Variants in NDST3 observed in about 807,000 individuals in gnomAD.
The protein encoded by NDST3 is N-deacetylase and N-sulfotransferase 3.
A neutral mutation model predicts 96.1 loss-of-function variants in NDST3; 58 were observed. The ratio of observed to expected loss-of-function variants is 0.60; its 90% CI spans 0.49 to 0.75. The LOEUF is 0.75. Among genes scored for constraint, NDST3 ranks in the 30% least tolerant of loss-of-function variants. NDST3 has a pLI of 0.00. For synonymous variants in NDST3, 333 were observed against 359.7 expected, an observed-to-expected ratio of 0.93 and a Z score of 0.84; for missense variants, 788 against 1,034.2, an observed-to-expected ratio of 0.76 and a Z score of 3.27.
chr4:118,070,803 C>G (rs1578578439), intron 2 of NDST3, among the ~76,000 whole-genome samples: 1 of 152,158 alleles, frequency 6.6e-6, no homozygotes, highest in Middle Eastern at 3.4e-3. Context: ...CCCACTCCCC[C>G]CACCTCATGA....
chr4:118,087,641 T>G, intron 2 of NDST3, among the ~76,000 whole-genome samples: 1 of 152,098 alleles, frequency 6.6e-6, no homozygotes, highest in East Asian at 1.9e-4. Flanking sequence ...TGTCCATACT[T>G]GACATGTATG....
intron 6 of NDST3, among the ~76,000 whole-genome samples, chr4:118,171,729 C>T (rs1051375440): frequency 6.6e-6 from 1 of 152,150 alleles, no homozygotes; most frequent in Admixed American, 6.5e-5. Flanking sequence ...CATACAATAC[C>T]GCTTTCCAGG....
chr4:118,104,043 G>A (rs995255763), intron 2 of NDST3, among the ~76,000 whole-genome samples: 4 of 152,148 alleles, frequency 2.6e-5, no homozygotes, highest in Non-Finnish European at 4.4e-5. Flanking sequence ...CCATAAACAT[G>A]ATGAGGCAGA....
chr4:118,189,565 G>A (rs1258617723), intron 6 of NDST3, among the ~76,000 whole-genome samples: 3 of 152,026 alleles, frequency 2.0e-5, no homozygotes, highest in Admixed American at 6.6e-5. Flanking sequence ...ACACAAATAT[G>A]ATTATAAGTA....
intron 4 of NDST3, among the ~76,000 whole-genome samples, chr4:118,115,653 T>C (rs1731024540): frequency 6.6e-6 from 1 of 152,150 alleles, no homozygotes; most frequent in African/African-American, 2.4e-5. Context: ...AAATTTATAG[T>C]AAAAGTTTAA....
chr4:118,138,078 G>T lies in NDST3; in HGVS notation c.1249G>T (p.Gly417Cys). 1.9e-6 allele frequency: 3 copies of T among 1,612,408 alleles called. No homozygotes were observed. Among genetic ancestry groups the T allele is most frequent in the Non-Finnish European group, 2.5e-6 (3 of 1,179,216 alleles). ...ALEHGIPTDM[G>C]YAVAPHHSGV... ...GGAGCACGGCATTCCAACGGACATG[G>T]GCTACGCTGTGGCCCCTCACCATTC... is the stretch of plus-strand genomic sequence containing the variant. The change falls in exon 5 of 14, where the codon GGC (glycine) becomes TGC (cysteine). Residue 417 changes from glycine (G) to cysteine (C), a missense_variant. By Grantham distance (159) the Gly-to-Cys change is radical. This residue lies in a region of NDST3 where 490 missense variants were observed against 708.8 expected (regional missense o/e 0.69). Coordinates refer to ENST00000296499, the MANE Select transcript of NDST3 (RefSeq NM_004784.3).
chr4:118,094,816 G>C (rs1041851854), intron 2 of NDST3, among the ~76,000 whole-genome samples: 2 of 151,722 alleles, frequency 1.3e-5, no homozygotes, highest in African/African-American at 4.8e-5. Context: ...GAGCTAAATA[G>C]ATGGCTATAA....
intron 6 of NDST3, among the ~76,000 whole-genome samples, chr4:118,181,988 CTGCAGAGGTGCAAAAA>C (rs1467697994): frequency 6.6e-6 from 1 of 152,194 alleles, no homozygotes; most frequent in Non-Finnish European, 1.5e-5. Flanking sequence ...CAAGTCATCT[CTGCAGAGGTGCAAAAA>C]TGCAGCCCTC....
chr4:118,051,773 A>C lies in NDST3; in HGVS notation c.-155-1983A>C, dbSNP rs1578537823. On this transcript the variant is annotated intron_variant, in intron 1 of 13. Coordinates refer to ENST00000296499, the MANE Select transcript of NDST3 (RefSeq NM_004784.3). Reference sequence around the variant, plus strand: ...AAAGAAGACATACAAGTAGCCAACAAACATGAAAAAATGTTCATCATCACT... The same window carrying C: ...AAAGAAGACATACAAGTAGCCAACACACATGAAAAAATGTTCATCATCACT... Among the ~76,000 whole-genome samples the C allele has an allele frequency of 2.6e-5, 4 of 152,232 alleles. No homozygotes were observed. The East Asian group carries it at 7.7e-4, about 29-fold the overall frequency.
chr4:118,145,342 A>T (rs987927430), intron 6 of NDST3, among the ~76,000 whole-genome samples: 7 of 152,332 alleles, frequency 4.6e-5, no homozygotes, highest in Admixed American at 4.6e-4. Flanking sequence ...TTTCACATTT[A>T]CTTTCATCAT....
chr4:118,243,879 G>C (rs1741149986), intron 12 of NDST3, among the ~76,000 whole-genome samples: 1 of 152,188 alleles, frequency 6.6e-6, no homozygotes, highest in African/African-American at 2.4e-5. Context: ...AAAAGGCAGT[G>C]TAAACTTAAG....
At chr4:118,223,443 A>G (rs10024837) in intron 6 of NDST3, among the ~76,000 whole-genome samples, 25,789 of 152,038 alleles carry the variant, frequency 0.17, 2,344 homozygotes, top group South Asian at 0.23. Context: ...AAAATAATTT[A>G]TTTGTAAAAG....
chr4:118,220,679 C>T (rs759176613), intron 6 of NDST3, among the ~76,000 whole-genome samples: 3 of 151,848 alleles, frequency 2.0e-5, no homozygotes, highest in Non-Finnish European at 4.4e-5. Flanking sequence ...CTGTATGAAC[C>T]AGTTCTCTTT....
At chr4:118,050,540 A>G (rs1331899092) in intron 1 of NDST3, among the ~76,000 whole-genome samples, 1 of 152,170 alleles carries the variant, frequency 6.6e-6, no homozygotes, top group Non-Finnish European at 1.5e-5. Context: ...TACAAAATCA[A>G]TATACAAAAA....
intron 6 of NDST3, chr4:118,193,759 G>C (rs1400923021): frequency 6.8e-7 from 1 of 1,478,810 alleles, no homozygotes; most frequent in Admixed American, 1.8e-5. Context: ...CCTTGTTACA[G>C]CTTTCAGTGG....
At chr4:118,252,354 T>C (rs996515712) in intron 12 of NDST3, among the ~76,000 whole-genome samples, 1 of 152,186 alleles carries the variant, frequency 6.6e-6, no homozygotes, top group African/African-American at 2.4e-5. Flanking sequence ...AAGTGTATAG[T>C]ACAAGGTAAA....
chr4:118,067,476 T>G (rs1486663221), intron 2 of NDST3, among the ~76,000 whole-genome samples: 1 of 152,140 alleles, frequency 6.6e-6, no homozygotes, highest in East Asian at 1.9e-4. Context: ...GACACATTTT[T>G]CCTTCTTGCT....
intron 3 of NDST3, among the ~76,000 whole-genome samples, chr4:118,114,585 T>C (rs572557698): frequency 6.6e-6 from 1 of 152,376 alleles, no homozygotes; most frequent in African/African-American, 2.4e-5. Context: ...TTCATATCCA[T>C]GTCTCATGTT....
chr4:118,180,160 A>G (rs1358028062), intron 6 of NDST3, among the ~76,000 whole-genome samples: 1 of 152,004 alleles, frequency 6.6e-6, no homozygotes, highest in Non-Finnish European at 1.5e-5. Context: ...AACTGAGTGT[A>G]TTTCCTGATG....
Sources: allele counts gnomAD v4.1 joint callset (sites outside exome capture counted in the v4.1 genomes callset), GRCh38; gene constraint gnomAD v4.1.1; regional missense constraint gnomAD v4.1.1; transcripts MANE v1.5; gene names NCBI Gene and HGNC (gene_info 2026-07-23, HGNC 2026-07-21).